Variants in SEMA5A observed in about 807,000 individuals in gnomAD.
SEMA5A encodes semaphorin 5A.
Under a neutral mutation model 135.5 loss-of-function variants are expected in SEMA5A, and 55 were observed. That is an observed-to-expected ratio of 0.41 (90% CI 0.33 to 0.51). The LOEUF (loss-of-function observed/expected upper bound fraction) is 0.51. Ranked by LOEUF, SEMA5A falls within the 20% of genes least tolerant of loss-of-function variation. The pLI, the probability that SEMA5A is intolerant of heterozygous loss-of-function variation, is 0.37. For synonymous variants in SEMA5A, 580 were observed against 546.5 expected, an observed-to-expected ratio of 1.06 and a Z score of -0.85; for missense variants, 1,290 against 1,419.9, an observed-to-expected ratio of 0.91 and a Z score of 1.47.
At chr5:9,142,552 T>TA (rs1398085214) in intron 12 of SEMA5A, among the ~76,000 whole-genome samples, 1 of 152,238 alleles carries the variant, frequency 6.6e-6, no homozygotes, top group African/African-American at 2.4e-5. Context: ...ATGATTGTGG[T>TA]AGTGATCAAA....
Position 9,197,198 on chromosome 5 carries a change from T to G in SEMA5A, c.1038A>C (p.Leu346=). 1 of 1,614,210 alleles carries G rather than the reference T, an allele frequency of 6.2e-7. No individual in the cohort carries two copies. The highest frequency in any genetic ancestry group is 2.2e-5 in the East Asian group (1 of 44,874). The change falls in exon 10 of 23, where the codon CTA becomes CTC. Residue 346 remains leucine (L), a synonymous_variant. Coordinates refer to ENST00000382496, the MANE Select transcript of SEMA5A (RefSeq NM_003966.3). ...AGTGGGGGTTTGGGTTGGGATACGGTAGCCAGGCCGAGCGCGAGTTTTCTT... is the reference window on the plus strand; with the variant it reads ...AGTGGGGGTTTGGGTTGGGATACGGGAGCCAGGCCGAGCGCGAGTTTTCTT... The part of the protein sequence containing the change: ...KYQENSRSAW[L]PYPNPNPHFQ...
rs1386839112 is a variant in SEMA5A, at chr5:9,364,799, G to A, written c.124+15024C>T. On this transcript the variant is annotated intron_variant, in intron 3 of 22. Coordinates refer to ENST00000382496, the MANE Select transcript of SEMA5A (RefSeq NM_003966.3). ...CCTTCCATTCTCCCAAACTTGTTGT[G>A]ACTCATATTTTTGAATTTCGAGTCA... 2.0e-5 allele frequency among the ~76,000 whole-genome samples: 3 copies of A among 152,180 alleles called. No individual in the cohort carries two copies. In the East Asian group the frequency reaches 5.8e-4, roughly 29 times the overall value.
intron 18 of SEMA5A, among the ~76,000 whole-genome samples, chr5:9,060,005 G>T (rs755072898): frequency 2.6e-5 from 4 of 152,108 alleles, no homozygotes; most frequent in Non-Finnish European, 4.4e-5. Context: ...CCTCTAACTG[G>T]CTTCCTGGTG....
At position 9,035,212 on chromosome 5, in the gene SEMA5A, G is replaced by C. The variant is rs1174627113; in HGVS notation, c.*7685C>G. The C allele has an allele frequency of 2.6e-5, 4 of 152,254 alleles. No homozygotes were observed. The highest frequency in any genetic ancestry group is 9.7e-5 in the African/African-American group (4 of 41,440). The allele number at this position is 152,254 out of a possible 1,614,324, so 9.4% of individuals were successfully genotyped here. A position where few individuals can be genotyped will look rare whatever the true frequency, so the allele number is the denominator to read the frequency against. On this transcript the variant is annotated 3_prime_UTR_variant, in exon 23 of 23. Coordinates refer to ENST00000382496, the MANE Select transcript of SEMA5A (RefSeq NM_003966.3). ...TGGTAAGAAGGGGGTTGGTAGGAAA[G>C]TGTGACTGCACACTCAGCAGTGCTG...
At chr5:9,122,598 C>A in intron 14 of SEMA5A, 58 bp downstream of exon 14, 1 of 1,421,726 alleles carries the variant, frequency 7.0e-7, no homozygotes, top group South Asian at 1.8e-5. Context: ...GTCCCAAACT[C>A]CTCGAGAATC....
chr5:9,064,690 G>T (rs1737367624), intron 17 of SEMA5A, among the ~76,000 whole-genome samples: 1 of 152,084 alleles, frequency 6.6e-6, no homozygotes, highest in South Asian at 2.1e-4. Context: ...TTACACCACT[G>T]TACTCCAGCC....
At chr5:9,517,367 C>T (rs2126862235) in intron 1 of SEMA5A, 1 of 152,340 alleles carries the variant, frequency 6.6e-6, no homozygotes, top group South Asian at 2.1e-4. Flanking sequence ...GGCATCAATA[C>T]TCACTTCTCT....
intron 16 of SEMA5A, among the ~76,000 whole-genome samples, chr5:9,105,820 C>T (rs767148859): frequency 6.6e-5 from 10 of 152,140 alleles, no homozygotes; most frequent in South Asian, 2.1e-4. Flanking sequence ...CAATAAAAAC[C>T]GAACCCTTTG....
intron 4 of SEMA5A, among the ~76,000 whole-genome samples, chr5:9,320,367 C>T (rs1035865545): frequency 2.0e-5 from 3 of 152,118 alleles, no homozygotes; most frequent in Non-Finnish European, 2.9e-5. Context: ...GGGAATATTA[C>T]AGGAAAGTCT....
In SEMA5A at chr5:9,042,743, G is replaced by A. The variant is rs917991782; in HGVS notation, c.*154C>T. On this transcript the variant is annotated 3_prime_UTR_variant, in exon 23 of 23. Coordinates refer to ENST00000382496, the MANE Select transcript of SEMA5A (RefSeq NM_003966.3). ...TTCAATTTTTGTTGCTTTTAAAGACGTGTATTTTTGGCAGCAATGGGACAC... is the reference window on the plus strand; with the variant it reads ...TTCAATTTTTGTTGCTTTTAAAGACATGTATTTTTGGCAGCAATGGGACAC... 1.1e-5 allele frequency: 9 copies of A among 787,902 alleles called. No homozygotes were observed. Among genetic ancestry groups the A allele is most frequent in the South Asian group, 8.8e-5 (5 of 56,856 alleles). 48.8% of individuals were successfully genotyped at this position (787,902 alleles called of 1,614,324 possible). A position where few individuals can be genotyped will look rare whatever the true frequency, so the allele number is the denominator to read the frequency against.
At chr5:9,341,980 C>T (rs1018062023) in intron 3 of SEMA5A, among the ~76,000 whole-genome samples, 25 of 150,744 alleles carry the variant, frequency 1.7e-4, no homozygotes, top group African/African-American at 4.1e-4. Flanking sequence ...CTTCAAGAAA[C>T]GATTTATTTT....
At chr5:9,523,862 C>T (rs1393544179) in intron 1 of SEMA5A, among the ~76,000 whole-genome samples, 11 of 152,186 alleles carry the variant, frequency 7.2e-5, no homozygotes, top group Admixed American at 1.3e-4. Context: ...GTGTCTGTCC[C>T]CTAAAAGTTC....
At chr5:9,270,508 C>T (rs940826057) in intron 5 of SEMA5A, among the ~76,000 whole-genome samples, 9 of 152,008 alleles carry the variant, frequency 5.9e-5, no homozygotes, top group African/African-American at 1.9e-4. Context: ...GAAACAATAA[C>T]AACTCTTTCT....
chr5:9,143,379 A>C (rs1294052887), intron 12 of SEMA5A, among the ~76,000 whole-genome samples: 1 of 24,974 alleles, frequency 4.0e-5, no homozygotes, highest in African/African-American at 8.7e-5. Context: ...AATACTTTTC[A>C]TGTATTAAAA....
chr5:9,109,793 A>G (rs1163793530), intron 15 of SEMA5A, among the ~76,000 whole-genome samples: 2 of 152,226 alleles, frequency 1.3e-5, no homozygotes, highest in East Asian at 1.9e-4. Context: ...GTGCAAAACT[A>G]TCTTAATACA....
At chr5:9,406,488 A>AT (rs1756892977) in intron 2 of SEMA5A, among the ~76,000 whole-genome samples, 1 of 152,222 alleles carries the variant, frequency 6.6e-6, no homozygotes, top group South Asian at 2.1e-4. Context: ...AGCAACACTG[A>AT]TTTTATCTTT....
At chr5:9,358,475 T>C (rs943228191) in intron 3 of SEMA5A, among the ~76,000 whole-genome samples, 5 of 152,196 alleles carry the variant, frequency 3.3e-5, no homozygotes, top group African/African-American at 1.2e-4. Flanking sequence ...GGGTCTTCCC[T>C]GTGCACACAG....
intron 16 of SEMA5A, among the ~76,000 whole-genome samples, chr5:9,083,367 T>C (rs1295660664): frequency 1.4e-4 from 22 of 152,220 alleles, no homozygotes; most frequent in Admixed American, 1.4e-3. Flanking sequence ...TAAATTCAGA[T>C]TTTAAATGAC....
At chr5:9,241,009 C>A (rs1748162290) in intron 5 of SEMA5A, among the ~76,000 whole-genome samples, 1 of 151,774 alleles carries the variant, frequency 6.6e-6, no homozygotes, top group Admixed American at 6.6e-5. Flanking sequence ...TCAGGATAGC[C>A]CAGTAGAGAA....
Sources: allele counts gnomAD v4.1 joint callset (sites outside exome capture counted in the v4.1 genomes callset), GRCh38; gene constraint gnomAD v4.1.1; transcripts MANE v1.5; gene names NCBI Gene and HGNC (gene_info 2026-07-23, HGNC 2026-07-21).